Variants in SETD6 observed in about 807,000 individuals in gnomAD.
SETD6 encodes N-lysine methyltransferase SETD6.
SETD6 carries 67 observed loss-of-function variants against 52.7 expected under a neutral mutation model. The ratio of observed to expected loss-of-function variants is 1.27; its 90% confidence interval spans 1.04 to 1.56. The LOEUF is 1.56. SETD6 is among the 40% of genes most tolerant of loss of function. The pLI is 0.00. For synonymous variants in SETD6, 307 were observed against 250.2 expected (o/e 1.23, Z -2.14); for missense variants, 712 against 607.5 (o/e 1.17, Z -1.81).
At chr16:58,518,327 G>T in intron 6 of SETD6, 74 bp from the exon 7 acceptor site, 1 of 1,594,712 alleles carries the variant, frequency 6.3e-7, no homozygotes, top group South Asian at 1.1e-5. Flanking sequence ...TGACTTTGTA[G>T]ACTGGGTGGC....
chr16:58,516,747 TGAAA>T, intron 4 of SETD6, 57 bp from the exon 5 acceptor site: 1 of 1,610,166 alleles, frequency 6.2e-7, no homozygotes, highest in Non-Finnish European at 8.5e-7. Context: ...GGAAAAACAG[TGAAA>T]TCCACCCCCA....
chr16:58,521,599 G>T lies in SETD6; in HGVS notation c.*2570G>T, dbSNP rs980991532. ...AATAAGGGGTGATGGGGGAGAGGAA[G>T]CCACATAAAGCCCAGAGTACATGGC... On this transcript the variant is annotated 3_prime_UTR_variant, in exon 8 of 8. Coordinates refer to ENST00000219315, the MANE Select transcript of SETD6 (RefSeq NM_001160305.4). Among the ~76,000 whole-genome samples, 2 of 152,182 alleles carry T rather than the reference G, an allele frequency of 1.3e-5. No homozygotes were observed. Among genetic ancestry groups the T allele is most frequent in the African/African-American group, 4.8e-5 (2 of 41,438 alleles).
rs1366077762 is a variant in SETD6 at position 58,522,150 on chromosome 16, T to C, written c.*3121T>C. On this transcript the variant is annotated 3_prime_UTR_variant, in exon 8 of 8. Transcript: ENST00000219315. The stretch of plus-strand genomic sequence containing the variant: ...CTGGCCAAGATGGTGAAACCCCGTC[T>C]CTACTAAAAATACAAAAAATTAGCC... Among the ~76,000 whole-genome samples, 1 of 145,790 alleles carries C rather than the reference T, an allele frequency of 6.9e-6. No homozygotes were observed. The highest frequency in any genetic ancestry group is 1.5e-5 in the Non-Finnish European group (1 of 67,318).
intron 5 of SETD6, 125 bp from the exon 6 acceptor site, chr16:58,517,926 C>A: frequency 8.3e-7 from 1 of 1,206,470 alleles, no homozygotes; most frequent in Non-Finnish European, 1.2e-6. Flanking sequence ...AAAGGTAGAA[C>A]TTTGGTAGTT....
chr16:58,518,577 A>T (rs1169542623), intron 7 of SETD6, 34 bp downstream of exon 7: 19 of 1,590,020 alleles, frequency 1.2e-5, no homozygotes, highest in Non-Finnish European at 1.5e-5. Context: ...TAATGCTGAT[A>T]ATCTAAGTAT....
In SETD6 at chr16:58,523,117, C is replaced by CGCCT. The variant is rs1286133610; in HGVS notation, c.*4090_*4093dup. ...AAAATTAGCTGGGCGTGGTGGCAGG[C>CGCCT]GCCTGTAATCCCAGCTACTTGAGAG... On this transcript the variant is annotated 3_prime_UTR_variant, in exon 8 of 8. Transcript: ENST00000219315. 1 of 235,318 alleles carries CGCCT rather than the reference C, an allele frequency of 4.2e-6. No individual in the cohort carries two copies. The highest frequency in any genetic ancestry group is 2.3e-5 in the African/African-American group (1 of 44,244). 14.6% of individuals were successfully genotyped at this position (235,318 alleles called of 1,614,324 possible).
chr16:58,516,146 G>A (rs565282482), intron 2 of SETD6, 49 bp downstream of exon 2: 1 of 1,290,810 alleles, frequency 7.7e-7, no homozygotes, highest in Non-Finnish European at 9.8e-7. Context: ...GGGCGGGGCG[G>A]GGCGGGCCCG....
In SETD6 at chr16:58,522,110, G is replaced by C. The variant is rs200477908; in HGVS notation, c.*3081G>C. Among the ~76,000 whole-genome samples the C allele has an allele frequency of 1.7e-4, 26 of 151,944 alleles. No homozygotes were observed. The East Asian group carries it at 5.0e-3, about 29-fold the overall frequency. ...CAAGACGGGTGGATCACGAGGTCGG[G>C]AGTTCAAGACCAGCCTGGCCAAGAT... On this transcript the variant is annotated 3_prime_UTR_variant, in exon 8 of 8. Transcript: ENST00000219315.
chr16:58,515,505 G>A, upstream of SETD6: 1 of 1,572,928 alleles, frequency 6.4e-7, no homozygotes, highest in East Asian at 2.4e-5. Context: ...ACCGCGCGGT[G>A]CGCCGGCCCG....
chr16:58,516,266 G>C lies in SETD6; in HGVS notation c.399G>C (p.Leu133=), dbSNP rs2039145667. The stretch of plus-strand genomic sequence containing the variant: ...TGCTGCTGGCGCTGCTCCACGAGCT[G>C]CAGGCCCCGGCCTCACGCTGGAGGC... ...VPLLLALLHE[L]QAPASRWRPY... Residue 133 remains leucine (L), a synonymous_variant, in exon 3 of 8, where the codon CTG becomes CTC. Transcript: ENST00000219315. 2 of 1,601,486 alleles carry C rather than the reference G, an allele frequency of 1.2e-6. No individual in the cohort carries two copies. Among genetic ancestry groups the C allele is most frequent in the Non-Finnish European group, 8.5e-7 (1 of 1,179,704 alleles).
Position 58,518,433 on chromosome 16 carries a change from T to C in SETD6, c.1006T>C (p.Tyr336His), listed in dbSNP as rs569569218. ...AACTGAAGCTGAAAGGCACCTAGTG[T>C]ACGAGCGCTGGGATTTCCTATGCAA... ...TKTEAERHLVYERWDFLCKLE... is the reference protein window; with the variant it reads ...TKTEAERHLVHERWDFLCKLE... Residue 336 changes from tyrosine (Y) to histidine (H), a missense_variant, in exon 7 of 8, where the codon TAC becomes CAC. Physicochemically the swap from Tyr to His is moderately conservative, Grantham distance 83. Coordinates refer to ENST00000219315, the MANE Select transcript of SETD6 (RefSeq NM_001160305.4). 2 of 1,586,456 alleles carry C rather than the reference T, an allele frequency of 1.3e-6. No individual in the cohort carries two copies. Among genetic ancestry groups the C allele is most frequent in the East Asian group, 4.5e-5 (2 of 44,784 alleles).
chr16:58,518,625 G>A, intron 7 of SETD6, 82 bp downstream of exon 7: 1 of 1,573,866 alleles, frequency 6.4e-7, no homozygotes, highest in Non-Finnish European at 8.6e-7. Flanking sequence ...GAGGAAATGT[G>A]GGATTTTTAA....
Position 58,518,231 on chromosome 16 carries a change from G to C in SETD6, c.973G>C (p.Gly325Arg). The stretch of plus-strand genomic sequence containing the variant: ...GACAGTTCGTGAGGCAGCATTACAG[G>C]GTGAGTGTATCATTAACTCAATATT... The part of the protein sequence containing the change: ...MVTVREAALQ[G>R]TKTEAERHLV... Residue 325 changes from glycine (G) to arginine (R), a missense_variant and splice_region_variant, in exon 6 of 8, where the codon GGA becomes CGA. By Grantham distance (125) the Gly-to-Arg change is moderately radical. Coordinates refer to ENST00000219315, the MANE Select transcript of SETD6 (RefSeq NM_001160305.4). The C allele has an allele frequency of 6.2e-7, 1 of 1,614,182 alleles. No homozygotes were observed. Among genetic ancestry groups the C allele is most frequent in the Non-Finnish European group, 8.5e-7 (1 of 1,180,040 alleles).
In SETD6 at chr16:58,518,095, T is replaced by C. The variant is rs2039231090; in HGVS notation, c.837T>C (p.His279=). 1.2e-6 allele frequency: 2 copies of C among 1,613,846 alleles called. No individual in the cohort carries two copies. The highest frequency in any genetic ancestry group is 2.2e-5 in the East Asian group (1 of 44,874). The change falls in exon 6 of 8, where the codon CAT becomes CAC. Residue 279 remains histidine, a synonymous_variant. Coordinates refer to ENST00000219315, the MANE Select transcript of SETD6 (RefSeq NM_001160305.4). ...MVATQPIPKG[H]EIFNTYGQMA... Reference sequence around the variant, plus strand: ...CCACTCAGCCCATTCCTAAAGGCCATGAGATTTTCAACACTTATGGGCAAA... The same window carrying C: ...CCACTCAGCCCATTCCTAAAGGCCACGAGATTTTCAACACTTATGGGCAAA...
At chr16:58,516,719 CTA>C (rs779867923) in intron 4 of SETD6, 47 bp downstream of exon 4, 1 of 1,609,640 alleles carries the variant, frequency 6.2e-7, no homozygotes, top group African/African-American at 1.3e-5. Flanking sequence ...CTTTACAACT[CTA>C]TAGAGGGACA....
Position 58,516,608 on chromosome 16 carries a change from T to C in SETD6, c.607T>C (p.Phe203Leu). Residue 203 changes from phenylalanine to leucine, a missense_variant, in exon 4 of 8, where the codon TTC becomes CTC. Physicochemically the swap from Phe to Leu is conservative, Grantham distance 22. Transcript: ENST00000219315. ...CTTCATGGAAGCCCACCCCGATCTCTTCAGCCTCAGGGTTCGCTCCCTAGA... is the reference window on the plus strand; with the variant it reads ...CTTCATGGAAGCCCACCCCGATCTCCTCAGCCTCAGGGTTCGCTCCCTAGA... The part of the protein sequence containing the change: ...LPFMEAHPDL[F>L]SLRVRSLELY... 6.2e-7 allele frequency: 1 copy of C among 1,614,136 alleles called. No homozygotes were observed. The highest frequency in any genetic ancestry group is 8.5e-7 in the Non-Finnish European group (1 of 1,180,002).
In SETD6 at chr16:58,516,227, G is replaced by A. The variant is rs1462661754; in HGVS notation, c.360G>A (p.Ser120=). The change falls in exon 3 of 8, where the codon TCG becomes TCA. Residue 120 remains serine (S), a synonymous_variant. Coordinates refer to ENST00000219315, the MANE Select transcript of SETD6 (RefSeq NM_001160305.4). Reference sequence around the variant, plus strand: ...AGCGAGTTGCGCTGCAGAGCCAGTCGGGCTGGGTGCCACTGCTGCTGGCGC... The same window carrying A: ...AGCGAGTTGCGCTGCAGAGCCAGTCAGGCTGGGTGCCACTGCTGCTGGCGC... ...ERERVALQSQ[S]GWVPLLLALL... is the part of the protein sequence containing the mutation. 1.3e-6 allele frequency: 2 copies of A among 1,595,496 alleles called. No individual in the cohort carries two copies. Among genetic ancestry groups the A allele is most frequent in the Non-Finnish European group, 1.7e-6 (2 of 1,178,832 alleles).
Position 58,521,124 on chromosome 16 carries a change from C to G in SETD6, c.*2095C>G, listed in dbSNP as rs1253115192. The G allele has an allele frequency of 1.2e-6, 2 of 1,613,136 alleles. No homozygotes were observed. Among genetic ancestry groups the G allele is most frequent in the Non-Finnish European group, 8.5e-7 (1 of 1,179,384 alleles). Reference sequence around the variant, plus strand: ...TCATTCAGCTGACCCAACCTAGAGACAGATGGTTTTCAGTCTCCAGTCTCA... The same window carrying G: ...TCATTCAGCTGACCCAACCTAGAGAGAGATGGTTTTCAGTCTCCAGTCTCA... On this transcript the variant is annotated 3_prime_UTR_variant, in exon 8 of 8. Transcript: ENST00000219315.
chr16:58,523,559 C>A lies in SETD6; in HGVS notation c.*4530C>A. ...AGTCTGAAAGGCCAACATGGGAAGA[C>A]AGTTCTAACTGGCTAGGGTTTGGGT... On this transcript the variant is annotated 3_prime_UTR_variant, in exon 8 of 8. Coordinates refer to ENST00000219315, the MANE Select transcript of SETD6 (RefSeq NM_001160305.4). The A allele has an allele frequency of 6.4e-7, 1 of 1,565,104 alleles. No individual in the cohort carries two copies. The highest frequency in any genetic ancestry group is 8.7e-7 in the Non-Finnish European group (1 of 1,143,138).
Sources: gnomAD v4.1 joint callset for allele counts (sites outside exome capture counted in the v4.1 genomes callset) on GRCh38, gnomAD v4.1.1 for gene constraint, MANE v1.5 for transcripts, NCBI Gene and HGNC (gene_info 2026-07-23, HGNC 2026-07-21) for gene names.